Variants in MTMR2 observed in about 807,000 individuals in gnomAD.
MTMR2 encodes myotubularin related protein 2, also known as phosphatidylinositol-3,5-bisphosphate 3-phosphatase MTMR2.
MTMR2 carries 55 observed loss-of-function variants against 86.9 expected under a neutral mutation model. The ratio of observed to expected loss-of-function variants is 0.63; its 90% CI spans 0.51 to 0.79. MTMR2 has a LOEUF of 0.79. MTMR2 is among the 30% of genes least tolerant of loss of function. The pLI is 0.00. For synonymous variants in MTMR2, 241 were observed against 266.8 expected, an observed-to-expected ratio of 0.90 and a Z score of 0.94; for missense variants, 659 against 772.3, an observed-to-expected ratio of 0.85 and a Z score of 1.74.
chr11:95,888,702 AACACATACACAC>A lies in MTMR2; in HGVS notation c.81-453_81-442del, dbSNP rs760077047. On this transcript the variant is annotated intron_variant, in intron 1 of 14. Coordinates refer to ENST00000346299, the MANE Select transcript of MTMR2 (RefSeq NM_016156.6). ...GTGCAGTGTTATGACTCTAAATAGA[AACACATACACAC>A]ACACATACACACACACACACACACA... Among the ~76,000 whole-genome samples the A allele has an allele frequency of 9.4e-4, 136 of 145,020 alleles. 1 individual carries two copies. Among genetic ancestry groups the A allele is most frequent in the Admixed American group, 1.5e-3 (22 of 14,898 alleles).
chr11:95,860,924 GAGATGGGC>G (rs1864394593), intron 5 of MTMR2, among the ~76,000 whole-genome samples: 1 of 152,082 alleles, frequency 6.6e-6, no homozygotes, highest in Admixed American at 6.5e-5. Flanking sequence ...TTGAGAGGCC[GAGATGGGC>G]AGATCACGAG....
At position 95,862,116 on chromosome 11, in the gene MTMR2, GA is replaced by G. The variant is rs1172662198; in HGVS notation, c.358-15del. 6.3e-7 allele frequency: 1 copy of G among 1,581,080 alleles called. No individual in the cohort carries two copies. Among genetic ancestry groups the G allele is most frequent in the African/African-American group, 1.3e-5 (1 of 74,510 alleles). ...AAATGGGGGATCCTAAAGAAGGAAA[GA>G]AAAAATAATTAAAACTGAGCAATTA... On this transcript the variant is annotated splice_polypyrimidine_tract_variant and intron_variant, in intron 4 of 14. Transcript: ENST00000346299.
intron 11 of MTMR2, among the ~76,000 whole-genome samples, chr11:95,844,518 C>A (rs928495874): frequency 2.0e-5 from 3 of 152,118 alleles, no homozygotes; most frequent in Non-Finnish European, 4.4e-5. Flanking sequence ...TTGGCCTGTT[C>A]ATGGGATCTG....
At position 95,923,947 on chromosome 11, in the gene MTMR2, T is replaced by A; in HGVS notation, c.8A>T (p.Lys3Met). 2.6e-6 allele frequency: 4 copies of A among 1,558,836 alleles called. No homozygotes were observed. The highest frequency in any genetic ancestry group is 2.6e-6 in the Non-Finnish European group (3 of 1,150,858). The change falls in exon 1 of 15, where the codon AAG (lysine) becomes ATG (methionine). Residue 3 changes from lysine to methionine, a missense_variant. Transcript: ENST00000346299. ...GCCAAGACTCTCGCAGCTCGAGCTC[T>A]TCTCCATCGCGCGGCAGGGGCAGCA... ME[K>M]SSSCESLGSQ...
chr11:95,868,294 A>G (rs1195720109), intron 2 of MTMR2, among the ~76,000 whole-genome samples: 2 of 131,504 alleles, frequency 1.5e-5, no homozygotes, highest in African/African-American at 5.0e-5. Context: ...AAAAAAAAAA[A>G]AAAAAAAGAA....
At position 95,850,635 on chromosome 11, in the gene MTMR2, T is replaced by G; in HGVS notation, c.769A>C (p.Arg257=). Residue 257 remains arginine (R), a synonymous_variant, in exon 8 of 15, where the codon AGA becomes CGA. Coordinates refer to ENST00000346299, the MANE Select transcript of MTMR2 (RefSeq NM_016156.6). ...PANIPDEELK[R]VASFRSRGRI... The stretch of plus-strand genomic sequence containing the variant: ...CCTCTTGATCTGAAGGATGCCACTC[T>G]CTTTAATTCTTCATCAGGAATATTT... 1 of 1,614,126 alleles carries G rather than the reference T, an allele frequency of 6.2e-7. No individual in the cohort carries two copies. The highest frequency in any genetic ancestry group is 8.5e-7 in the Non-Finnish European group (1 of 1,179,990).
At chr11:95,909,245 T>A (rs897750230) in intron 1 of MTMR2, among the ~76,000 whole-genome samples, 1 of 152,152 alleles carries the variant, frequency 6.6e-6, no homozygotes, top group Non-Finnish European at 1.5e-5. Flanking sequence ...ACTCTCTATA[T>A]GCTTTTCAAA....
At chr11:95,839,840 T>C (rs1481947298) in intron 12 of MTMR2, among the ~76,000 whole-genome samples, 1 of 152,068 alleles carries the variant, frequency 6.6e-6, no homozygotes, top group African/African-American at 2.4e-5. Context: ...GAAGAAAATA[T>C]ACAGAAAAAC....
chr11:95,862,113 A>G lies in MTMR2; in HGVS notation c.358-11T>C. On this transcript the variant is annotated splice_polypyrimidine_tract_variant and intron_variant, in intron 4 of 14. Coordinates refer to ENST00000346299, the MANE Select transcript of MTMR2 (RefSeq NM_016156.6). ...AACAAATGGGGGATCCTAAAGAAGG[A>G]AAGAAAAAATAATTAAAACTGAGCA... 1 of 1,583,952 alleles carries G rather than the reference A, an allele frequency of 6.3e-7. No individual in the cohort carries two copies. Among genetic ancestry groups the G allele is most frequent in the East Asian group, 2.2e-5 (1 of 44,758 alleles).
chr11:95,889,318 A>C (rs1040323059), intron 1 of MTMR2, among the ~76,000 whole-genome samples: 2 of 151,810 alleles, frequency 1.3e-5, no homozygotes, highest in Admixed American at 1.3e-4. Context: ...ATTTTTGTAG[A>C]GACGAGGTTT....
At chr11:95,861,429 A>ATTATTG (rs1167023025) in intron 5 of MTMR2, among the ~76,000 whole-genome samples, 1 of 147,590 alleles carries the variant, frequency 6.8e-6, no homozygotes, top group Non-Finnish European at 1.5e-5. Context: ...TATTATTATT[A>ATTATTG]TTATTATTAT....
At chr11:95,875,675 TCTGA>T (rs939057854) in intron 2 of MTMR2, among the ~76,000 whole-genome samples, 23 of 152,210 alleles carry the variant, frequency 1.5e-4, no homozygotes, top group Middle Eastern at 3.2e-3. Context: ...GAGGTGCTCT[TCTGA>T]CTTTTAGAGT....
Position 95,897,355 on chromosome 11 carries a change from TTCA to T in MTMR2, c.81-9097_81-9095del, listed in dbSNP as rs1176682151. Among the ~76,000 whole-genome samples the T allele has an allele frequency of 5.3e-5, 8 of 152,220 alleles. No individual in the cohort carries two copies. In the East Asian group the frequency reaches 1.5e-3, roughly 29 times the overall value. On this transcript the variant is annotated intron_variant, in intron 1 of 14. Coordinates refer to ENST00000346299, the MANE Select transcript of MTMR2 (RefSeq NM_016156.6). ...ACACATGCATGTGTGCTAAAATAGC[TTCA>T]TATTTGAAATTTTTTAGTATTTTAA... is the stretch of plus-strand genomic sequence containing the variant.
chr11:95,844,095 A>G (rs1863666934), intron 11 of MTMR2, among the ~76,000 whole-genome samples: 1 of 152,196 alleles, frequency 6.6e-6, no homozygotes, highest in South Asian at 2.1e-4. Context: ...TTAGCAATTT[A>G]GGAATCCATA....
chr11:95,862,484 A>G (rs2135476576), intron 3 of MTMR2, 118 bp from the exon 4 acceptor site: 1 of 801,692 alleles, frequency 1.2e-6, no homozygotes, highest in East Asian at 2.7e-5. Flanking sequence ...TAACAGAACC[A>G]GTAATTTCCA....
chr11:95,911,970 C>T (rs1193717092), intron 1 of MTMR2, among the ~76,000 whole-genome samples: 1 of 152,034 alleles, frequency 6.6e-6, no homozygotes, highest in East Asian at 1.9e-4. Flanking sequence ...TTTTGTTTTT[C>T]CAAGACAAGC....
intron 7 of MTMR2, among the ~76,000 whole-genome samples, chr11:95,853,147 TA>T (rs976821452): frequency 1.3e-5 from 2 of 150,246 alleles, no homozygotes; most frequent in Non-Finnish European, 3.0e-5. Flanking sequence ...TATACTTATA[TA>T]TTTTTTTCAC....
chr11:95,883,905 C>G (rs1445026711), intron 2 of MTMR2, among the ~76,000 whole-genome samples: 1 of 152,170 alleles, frequency 6.6e-6, no homozygotes, highest in African/African-American at 2.4e-5. Flanking sequence ...TTTAATGAAA[C>G]TGGATTAGCT....
rs1565342705 is a variant in MTMR2, at chr11:95,836,261, T to C, written c.1657A>G (p.Asn553Asp). 2 of 1,613,018 alleles carry C rather than the reference T, an allele frequency of 1.2e-6. No individual in the cohort carries two copies. The highest frequency in any genetic ancestry group is 1.7e-6 in the Non-Finnish European group (2 of 1,179,198). ...TTGGAATAGCTCCCATAGAGAGGAT[T>C]AGTGAAGTCTTCCAGCTGGCTGTTT... ...YINSQLEDFTNPLYGSYSNHV... is the reference protein window; with the variant it reads ...YINSQLEDFTDPLYGSYSNHV... The change falls in exon 14 of 15, where the codon AAT (asparagine) becomes GAT (aspartate). Residue 553 changes from asparagine to aspartate, a missense_variant. Coordinates refer to ENST00000346299, the MANE Select transcript of MTMR2 (RefSeq NM_016156.6).
Sources: gnomAD v4.1 joint callset for allele counts (sites outside exome capture counted in the v4.1 genomes callset) on GRCh38, gnomAD v4.1.1 for gene constraint, MANE v1.5 for transcripts, NCBI Gene and HGNC (gene_info 2026-07-23, HGNC 2026-07-21) for gene names.